Variants in MCPH1 observed in about 807,000 individuals in gnomAD.
MCPH1 encodes microcephalin 1.
A neutral mutation model predicts 84.5 loss-of-function variants in MCPH1; 104 were observed. The ratio of observed to expected loss-of-function variants is 1.23; its 90% CI spans 1.05 to 1.45. MCPH1 has a LOEUF of 1.45. Ranked by LOEUF, MCPH1 falls within the 40% of genes most tolerant of loss-of-function variation. The pLI is 0.00. For synonymous variants in MCPH1, 514 were observed against 366.8 expected (o/e 1.40, Z -4.58); for missense variants, 1,498 against 1,005.7 (o/e 1.49, Z -6.62).
At position 6,643,109 on chromosome 8, in the gene MCPH1, C is replaced by A; in HGVS notation, c.*60C>A. On this transcript the variant is annotated 3_prime_UTR_variant, in exon 14 of 14. Coordinates refer to ENST00000344683, the MANE Select transcript of MCPH1 (RefSeq NM_024596.5). ...GCTCGCAAAACTGTCTTTGGATGTT[C>A]AAATGAGAAACAAAACTGTGAAGAG... 1 of 1,424,612 alleles carries A rather than the reference C, an allele frequency of 7.0e-7. No individual in the cohort carries two copies. The highest frequency in any genetic ancestry group is 1.2e-5 in the South Asian group (1 of 86,242). The allele number at this position is 1,424,612 out of a possible 1,614,324, so 88.2% of individuals were successfully genotyped here. A position where few individuals can be genotyped will look rare whatever the true frequency, so the allele number is the denominator to read the frequency against.
chr8:6,529,843 G>A (rs75313041), intron 12 of MCPH1, among the ~76,000 whole-genome samples: 35,583 of 149,876 alleles, frequency 0.24, 5,180 homozygotes, highest in Middle Eastern at 0.39. Flanking sequence ...TTATTTTCCT[G>A]TTATCCTGGA....
intron 12 of MCPH1, among the ~76,000 whole-genome samples, chr8:6,570,962 T>C (rs1042522999): frequency 3.3e-5 from 5 of 152,126 alleles, no homozygotes; most frequent in Admixed American, 1.3e-4. Flanking sequence ...GGGAAGAGCT[T>C]TTTATTTACT....
chr8:6,569,950 G>C (rs894418555), intron 12 of MCPH1, among the ~76,000 whole-genome samples: 1 of 152,152 alleles, frequency 6.6e-6, no homozygotes, highest in African/African-American at 2.4e-5. Context: ...CATCTGAGCC[G>C]GGACCATCCT....
At chr8:6,549,375 T>G (rs1036861599) in intron 12 of MCPH1, among the ~76,000 whole-genome samples, 3 of 152,212 alleles carry the variant, frequency 2.0e-5, no homozygotes, top group Non-Finnish European at 4.4e-5. Context: ...TCCAATTACA[T>G]GACATTCAAA....
At chr8:6,569,067 C>T (rs1826455249) in intron 12 of MCPH1, among the ~76,000 whole-genome samples, 1 of 152,158 alleles carries the variant, frequency 6.6e-6, no homozygotes, top group African/African-American at 2.4e-5. Flanking sequence ...AATCAGTCAA[C>T]ATGTTTATAT....
intron 12 of MCPH1, chr8:6,514,854 T>C (rs1815939914): frequency 7.7e-7 from 1 of 1,302,590 alleles, no homozygotes; most frequent in African/African-American, 1.5e-5. Context: ...AGGAGGAATG[T>C]AGACCCTGAG....
rs187123861 is a variant in MCPH1 at position 6,622,007 on chromosome 8, C to T, written c.2452+316C>T. On this transcript the variant is annotated intron_variant, in intron 13 of 13. Transcript: ENST00000344683. ...CCCCTGTGGGCACAGACTCTCCGGG[C>T]ACCCCTCTTAGACCCTCCCTCCCCA... 178 of 421,290 alleles carry T rather than the reference C, an allele frequency of 4.2e-4. 1 individual carries two copies. The highest frequency in any genetic ancestry group is 3.1e-3 in the African/African-American group (152 of 48,748). 26.1% of individuals were successfully genotyped at this position (421,290 alleles called of 1,614,324 possible). A position where few individuals can be genotyped will look rare whatever the true frequency, so the allele number is the denominator to read the frequency against.
intron 12 of MCPH1, among the ~76,000 whole-genome samples, chr8:6,585,687 C>T (rs1399773485): frequency 6.6e-6 from 1 of 152,208 alleles, no homozygotes; most frequent in African/African-American, 2.4e-5. Flanking sequence ...ATCCTTCCTT[C>T]CATATGGCCC....
At chr8:6,553,448 T>A (rs77205927) in intron 12 of MCPH1, among the ~76,000 whole-genome samples, 2,875 of 152,248 alleles carry the variant, frequency 0.019, 59 homozygotes, top group East Asian at 0.054. Flanking sequence ...CTTCAGAGGC[T>A]TGCTGGTCTA....
intron 12 of MCPH1, among the ~76,000 whole-genome samples, chr8:6,532,942 G>A (rs965155467): frequency 6.6e-6 from 1 of 152,178 alleles, no homozygotes; most frequent in Non-Finnish European, 1.5e-5. Context: ...TCTCCACATA[G>A]ACTTGAGAAG....
chr8:6,534,522 G>A (rs1341491421), intron 12 of MCPH1, among the ~76,000 whole-genome samples: 2 of 152,114 alleles, frequency 1.3e-5, no homozygotes, highest in Admixed American at 1.3e-4. Flanking sequence ...ACCCGCCTCA[G>A]CCCCCCAAAG....
At chr8:6,461,554 G>A (rs936754562) in intron 9 of MCPH1, among the ~76,000 whole-genome samples, 5 of 151,494 alleles carry the variant, frequency 3.3e-5, no homozygotes, top group Admixed American at 2.0e-4. Flanking sequence ...TGGCCAGGCT[G>A]GTTTTGAACT....
chr8:6,577,482 A>T (rs776623261), intron 12 of MCPH1, among the ~76,000 whole-genome samples: 1 of 152,250 alleles, frequency 6.6e-6, no homozygotes, highest in Non-Finnish European at 1.5e-5. Context: ...TGGAACTTCC[A>T]TAATTATTGT....
intron 12 of MCPH1, among the ~76,000 whole-genome samples, chr8:6,592,673 G>GTTTGTTTT (rs1828592230): frequency 1.2e-5 from 1 of 83,234 alleles, no homozygotes; most frequent in African/African-American, 4.8e-5. Context: ...TGTTTTAATT[G>GTTTGTTTT]AGAAGGGGTC....
rs533892029 is a variant in MCPH1 at position 6,512,368 on chromosome 8, G to A, written c.2214+12439G>A. On this transcript the variant is annotated intron_variant, in intron 12 of 13. Transcript: ENST00000344683. ...TGTCTCCTTTCAGACTGTTCAGGTC[G>A]TGGAGCGGAGTGTCTGACTTGGGCA... Among the ~76,000 whole-genome samples the A allele has an allele frequency of 5.8e-4, 89 of 152,296 alleles. 2 individuals are homozygous for A. The South Asian group carries it at 0.017, about 29-fold the overall frequency.
intron 12 of MCPH1, among the ~76,000 whole-genome samples, chr8:6,598,748 G>A (rs1470035680): frequency 2.6e-5 from 4 of 152,230 alleles, no homozygotes; most frequent in Non-Finnish European, 4.4e-5. Flanking sequence ...TCCCCCCTGC[G>A]TGGTGGGACT....
intron 11 of MCPH1, 101 bp downstream of exon 11, chr8:6,480,977 T>G: frequency 7.4e-7 from 1 of 1,347,458 alleles, no homozygotes; most frequent in South Asian, 1.2e-5. Flanking sequence ...CGTGCACCCT[T>G]GTGGATCTGC....
intron 13 of MCPH1, among the ~76,000 whole-genome samples, chr8:6,629,577 C>T (rs565274772): frequency 6.6e-6 from 1 of 152,208 alleles, no homozygotes; most frequent in Admixed American, 6.5e-5. Flanking sequence ...CGAGCAGTCT[C>T]CCAGGAAGCC....
At chr8:6,467,314 A>C (rs1807102563) in intron 9 of MCPH1, among the ~76,000 whole-genome samples, 1 of 152,190 alleles carries the variant, frequency 6.6e-6, no homozygotes, top group African/African-American at 2.4e-5. Context: ...CAATTTTGAA[A>C]ACTTTTTTTT....
Sources: gnomAD v4.1 joint callset for allele counts (sites outside exome capture counted in the v4.1 genomes callset) on GRCh38, gnomAD v4.1.1 for gene constraint, MANE v1.5 for transcripts, NCBI Gene and HGNC (gene_info 2026-07-23, HGNC 2026-07-21) for gene names.